Variants in COPA observed in about 807,000 individuals in gnomAD.
The protein encoded by COPA is coatomer subunit alpha.
In COPA, 10 loss-of-function variants were observed where a neutral mutation model predicts 158.7. The observed-to-expected ratio is 0.06, with a 90% CI of 0.04 to 0.11. The LOEUF (loss-of-function observed/expected upper bound fraction) is 0.11, where lower values mean the gene tolerates loss of function less well. Among genes scored for constraint, COPA ranks in the 10% least tolerant of loss-of-function variants. The pLI, the probability that COPA is intolerant of heterozygous loss-of-function variation, is 1.00. For missense variants in COPA, 1,065 were observed against 1,536.7 expected, an observed-to-expected ratio of 0.69 and a Z score of 5.13; for synonymous variants, 462 against 542.8, an observed-to-expected ratio of 0.85 and a Z score of 2.07.
Position 160,340,888 on chromosome 1 carries a change from A to G in COPA, c.41-594T>C, listed in dbSNP as rs531287469. On this transcript the variant is annotated intron_variant, in intron 1 of 32. Transcript: ENST00000241704. ...CCTCTTCTCCGGTATTTTGCCCAAC[A>G]AAATCTAGCCATCTTTGCTTCCCCA... Among the ~76,000 whole-genome samples the G allele has an allele frequency of 2.6e-5, 4 of 152,288 alleles. No individual in the cohort carries two copies. In the South Asian group the frequency reaches 8.3e-4, roughly 32 times the overall value.
rs140131390 is a variant in COPA at position 160,317,022 on chromosome 1, T to C, written c.707-2897A>G. ...CAAAGAACACACAAAGGAGCTCCAA[T>C]TTGTCTGGCAATAGATGTTTCAATG... is the stretch of plus-strand genomic sequence containing the variant. On this transcript the variant is annotated intron_variant, in intron 8 of 32. Coordinates refer to ENST00000241704, the MANE Select transcript of COPA (RefSeq NM_004371.4). 3.3e-5 allele frequency among the ~76,000 whole-genome samples: 5 copies of C among 152,182 alleles called. No homozygotes were observed. The East Asian group carries it at 9.7e-4, about 29-fold the overall frequency.
At chr1:160,315,335 G>C (rs183957371) in intron 8 of COPA, among the ~76,000 whole-genome samples, 3 of 152,336 alleles carry the variant, frequency 2.0e-5, no homozygotes, top group South Asian at 2.1e-4. Flanking sequence ...CAGAGAGAAA[G>C]CGGGGAGGCA....
intron 23 of COPA, 134 bp from the exon 24 acceptor site, chr1:160,294,991 T>G (rs1201373095): frequency 1.5e-6 from 1 of 679,032 alleles, no homozygotes; most frequent in Admixed American, 2.9e-5. Context: ...TTTTTGTGTA[T>G]TATTTATTTT....
rs752491205 is a variant in COPA, at chr1:160,290,186, A to C, written c.3646T>G (p.Leu1216Val). ...VTEIGKDVIG[L>V]RISPLQFR ...CGAAACTGCAGAGGACTGATCCTTA[A>C]ACCAATCACATCTTTGCCAATCTCT... Residue 1216 changes from leucine (L) to valine (V), a missense_variant, in exon 33 of 33, where the codon TTA becomes GTA. Physicochemically the swap from Leu to Val is conservative, Grantham distance 32. Around this residue, in one of 2 missense-constraint regions of COPA, gnomAD observed 980 missense variants for 1,357.8 expected, o/e 0.72. Coordinates refer to ENST00000241704, the MANE Select transcript of COPA (RefSeq NM_004371.4). 5 of 1,614,160 alleles carry C rather than the reference A, an allele frequency of 3.1e-6. No homozygotes were observed. Among genetic ancestry groups the C allele is most frequent in the Non-Finnish European group, 1.7e-6 (2 of 1,180,018 alleles).
chr1:160,316,708 C>A (rs1401594021), intron 8 of COPA, among the ~76,000 whole-genome samples: 3 of 151,230 alleles, frequency 2.0e-5, no homozygotes, highest in Non-Finnish European at 4.4e-5. Flanking sequence ...TGAGATCGCA[C>A]CATTGCACTC....
chr1:160,311,125 C>T (rs574938969), intron 11 of COPA, among the ~76,000 whole-genome samples: 2 of 152,172 alleles, frequency 1.3e-5, no homozygotes, highest in East Asian at 1.9e-4. Flanking sequence ...TGACAGAATA[C>T]GAGATCCAAA....
intron 8 of COPA, among the ~76,000 whole-genome samples, chr1:160,319,161 C>A (rs369452794): frequency 4.6e-5 from 7 of 152,110 alleles, no homozygotes; most frequent in South Asian, 2.1e-4. Flanking sequence ...CCTATACAGA[C>A]ACACATAGAC....
At chr1:160,332,802 CA>C (rs1423170639) in intron 5 of COPA, among the ~76,000 whole-genome samples, 1 of 152,204 alleles carries the variant, frequency 6.6e-6, no homozygotes, top group Non-Finnish European at 1.5e-5. Flanking sequence ...ACTAAGATTA[CA>C]TAGCTCTTCT....
Position 160,289,989 on chromosome 1 carries a change from G to A in COPA, c.*168C>T. 1 of 675,836 alleles carries A rather than the reference G, an allele frequency of 1.5e-6. No individual in the cohort carries two copies. The highest frequency in any genetic ancestry group is 2.6e-6 in the Non-Finnish European group (1 of 388,708). 41.9% of individuals were successfully genotyped at this position (675,836 alleles called of 1,614,324 possible). ...GTTGAGAAGACCTCAAAAAAGTCAAGTTTAGACCTTCGGATTTTCCATAGA... is the reference window on the plus strand; with the variant it reads ...GTTGAGAAGACCTCAAAAAAGTCAAATTTAGACCTTCGGATTTTCCATAGA... On this transcript the variant is annotated 3_prime_UTR_variant, in exon 33 of 33. Transcript: ENST00000241704.
chr1:160,298,272 C>T (rs986977186), intron 19 of COPA, among the ~76,000 whole-genome samples: 1 of 152,036 alleles, frequency 6.6e-6, no homozygotes. Context: ...CATTATCCTC[C>T]TCCTCCTCCT....
At chr1:160,335,433 T>C in intron 3 of COPA, 111 bp from the exon 4 acceptor site, 1 of 756,532 alleles carries the variant, frequency 1.3e-6, no homozygotes, top group Non-Finnish European at 2.0e-6. Flanking sequence ...TATAGATTTA[T>C]ATACATTATT....
chr1:160,329,416 CCT>C (rs1424854389), intron 6 of COPA, among the ~76,000 whole-genome samples: 2 of 151,092 alleles, frequency 1.3e-5, no homozygotes, highest in Non-Finnish European at 3.0e-5. Flanking sequence ...GGTCACACTC[CCT>C]CTCTTCTCTG....
intron 6 of COPA, among the ~76,000 whole-genome samples, chr1:160,330,315 A>C (rs2101868780): frequency 6.6e-6 from 1 of 152,354 alleles, no homozygotes; most frequent in South Asian, 2.1e-4. Context: ...GAGAGGACAC[A>C]GGTTCACAGT....
At chr1:160,313,380 T>C (rs1158285324) in intron 9 of COPA, among the ~76,000 whole-genome samples, 1 of 151,348 alleles carries the variant, frequency 6.6e-6, no homozygotes, top group Non-Finnish European at 1.5e-5. Context: ...GATATATAGA[T>C]TTCCCCTTTT....
At chr1:160,309,041 A>C in intron 13 of COPA, 60 bp downstream of exon 13, 1 of 1,322,622 alleles carries the variant, frequency 7.6e-7, no homozygotes, top group Non-Finnish European at 1.1e-6. Context: ...CTTGAAGAGG[A>C]GTTATGATGC....
At chr1:160,314,196 T>A in intron 8 of COPA, 71 bp from the exon 9 acceptor site, 2 of 1,501,180 alleles carry the variant, frequency 1.3e-6, no homozygotes, top group East Asian at 2.3e-5. Context: ...AGATATGACA[T>A]CCTCTTCATC....
chr1:160,301,225 A>G (rs1421135474), intron 17 of COPA, among the ~76,000 whole-genome samples: 1 of 152,126 alleles, frequency 6.6e-6, no homozygotes, highest in Admixed American at 6.5e-5. Flanking sequence ...TTGTATGACT[A>G]CCCCAATGCT....
At chr1:160,308,695 A>C (rs1398591101) in intron 13 of COPA, among the ~76,000 whole-genome samples, 1 of 152,194 alleles carries the variant, frequency 6.6e-6, no homozygotes, top group Non-Finnish European at 1.5e-5. Context: ...TGACATGCAA[A>C]AGGAAGCAAA....
intron 3 of COPA, 63 bp from the exon 4 acceptor site, chr1:160,335,385 A>T: frequency 7.7e-7 from 1 of 1,296,908 alleles, no homozygotes; most frequent in Admixed American, 2.2e-5. Context: ...GGCTCAGAGA[A>T]ATTGATATCT....
Sources: allele counts gnomAD v4.1 joint callset (sites outside exome capture counted in the v4.1 genomes callset), GRCh38; gene constraint gnomAD v4.1.1; regional missense constraint gnomAD v4.1.1; transcripts MANE v1.5; gene names NCBI Gene and HGNC (gene_info 2026-07-23, HGNC 2026-07-21).